RBFOX1: variants seen among roughly 807,000 people sequenced by gnomAD.
The protein encoded by RBFOX1 is RNA binding fox-1 homolog 1.
RBFOX1 carries 8 observed loss-of-function variants against 57.7 expected under a neutral mutation model. The observed-to-expected ratio is 0.14, with a 90% CI of 0.08 to 0.25. The LOEUF (loss-of-function observed/expected upper bound fraction) is 0.25, where lower values mean the gene tolerates loss of function less well. RBFOX1 is among the 10% of genes least tolerant of loss of function. The pLI is 1.00. For synonymous variants in RBFOX1, 326 were observed against 222.4 expected, an observed-to-expected ratio of 1.47 and a Z score of -4.15; for missense variants, 611 against 548.5, an observed-to-expected ratio of 1.11 and a Z score of -1.14.
At chr16:6,549,504 GGGA>G (rs1414410957) in intron 2 of RBFOX1, among the ~76,000 whole-genome samples, 1 of 104,874 alleles carries the variant, frequency 9.5e-6, no homozygotes, top group African/African-American at 4.4e-5. Flanking sequence ...AGAGGAGGAG[GGGA>G]AGAGGAGGAG....
chr16:6,781,172 A>G lies in RBFOX1; in HGVS notation c.-16+126522A>G, dbSNP rs62016080. 2.6e-3 allele frequency among the ~76,000 whole-genome samples: 395 copies of G among 152,094 alleles called. 1 individual carries two copies. Among genetic ancestry groups the G allele is most frequent in the African/African-American group, 8.6e-3 (355 of 41,472 alleles). ...ATCCGTTTTGATTTGATTTTTGTAGATGGTGAGGAATAGGGACATAGTGTT... is the reference window on the plus strand; with the variant it reads ...ATCCGTTTTGATTTGATTTTTGTAGGTGGTGAGGAATAGGGACATAGTGTT... On this transcript the variant is annotated intron_variant, in intron 3 of 15. Coordinates refer to ENST00000550418, the MANE Select transcript of RBFOX1 (RefSeq NM_018723.4).
chr16:5,848,962 A>C (rs900216854), intron 3 of RBFOX1, among the ~76,000 whole-genome samples: 1 of 143,706 alleles, frequency 7.0e-6, no homozygotes, highest in South Asian at 2.2e-4. Flanking sequence ...AAACAAAAAA[A>C]CAAAAAAACA....
chr16:6,849,041 T>C (rs1350079770), intron 3 of RBFOX1, among the ~76,000 whole-genome samples: 1 of 152,232 alleles, frequency 6.6e-6, no homozygotes, highest in Admixed American at 6.5e-5. Flanking sequence ...TACGTGTCCC[T>C]GAACCTGCAG....
intron 4 of RBFOX1, among the ~76,000 whole-genome samples, chr16:7,294,458 C>G (rs982932935): frequency 6.6e-6 from 1 of 150,702 alleles, no homozygotes; most frequent in Non-Finnish European, 1.5e-5. Flanking sequence ...GTTGGCTGCT[C>G]TGATAGAACA....
intron 2 of RBFOX1, among the ~76,000 whole-genome samples, chr16:6,457,569 C>T (rs1208642853): frequency 6.6e-6 from 1 of 152,102 alleles, no homozygotes; most frequent in Non-Finnish European, 1.5e-5. Flanking sequence ...CTCCCATCAC[C>T]ATTCCTGCAG....
intron 3 of RBFOX1, 73 bp downstream of exon 3, chr16:6,654,723 G>T: frequency 8.7e-7 from 1 of 1,151,136 alleles, no homozygotes; most frequent in South Asian, 1.6e-5. Context: ...AGGTGTTTAA[G>T]GCATGCCCCT....
chr16:6,080,545 A>G lies in RBFOX1; in HGVS notation c.-127+60553A>G, dbSNP rs1425149278. 3.3e-5 allele frequency among the ~76,000 whole-genome samples: 5 copies of G among 152,234 alleles called. No homozygotes were observed. In the East Asian group the frequency reaches 9.6e-4, roughly 29 times the overall value. On this transcript the variant is annotated intron_variant, in intron 1 of 15. Coordinates refer to ENST00000550418, the MANE Select transcript of RBFOX1 (RefSeq NM_018723.4). ...GATTGAAGAAACTTACAATGAATGCATAATTAAGATAGGGATATTTACTGC... is the reference window on the plus strand; with the variant it reads ...GATTGAAGAAACTTACAATGAATGCGTAATTAAGATAGGGATATTTACTGC...
intron 2 of RBFOX1, among the ~76,000 whole-genome samples, chr16:6,590,526 A>C (rs972919608): frequency 1.3e-5 from 2 of 152,180 alleles, no homozygotes; most frequent in Non-Finnish European, 2.9e-5. Context: ...GAGTAAATTC[A>C]ATGAGAGCCC....
chr16:6,431,427 G>T (rs778917450), intron 2 of RBFOX1, among the ~76,000 whole-genome samples: 1 of 152,016 alleles, frequency 6.6e-6, no homozygotes, highest in Non-Finnish European at 1.5e-5. Context: ...ATGCAGTGAC[G>T]GTCCAGCCCA....
chr16:6,838,675 C>T lies in RBFOX1; in HGVS notation c.-16+184025C>T, dbSNP rs146903159. ...CCTAGAATTCTTTATTGGGCAAAGC[C>T]GATAACCTTCCCATGCTAATCCCCA... On this transcript the variant is annotated intron_variant, in intron 3 of 15. Coordinates refer to ENST00000550418, the MANE Select transcript of RBFOX1 (RefSeq NM_018723.4). Among the ~76,000 whole-genome samples, 746 of 152,244 alleles carry T rather than the reference C, an allele frequency of 4.9e-3. 5 individuals are homozygous for T. The highest frequency in any genetic ancestry group is 0.016 in the African/African-American group (680 of 41,552).
intron 3 of RBFOX1, among the ~76,000 whole-genome samples, chr16:5,758,111 G>A (rs2053464121): frequency 6.6e-6 from 1 of 152,088 alleles, no homozygotes; most frequent in African/African-American, 2.4e-5. Flanking sequence ...CATATGTGTG[G>A]GGGCACAGAG....
intron 3 of RBFOX1, among the ~76,000 whole-genome samples, chr16:5,678,517 A>G (rs1269654171): frequency 1.3e-5 from 2 of 152,178 alleles, no homozygotes; most frequent in African/African-American, 4.8e-5. Context: ...TCTTTTGAGT[A>G]TTTCAAGTTA....
In RBFOX1 at chr16:5,814,930, C is replaced by T. The variant is rs181988899; in HGVS notation, c.319-52373C>T. Among the ~76,000 whole-genome samples, 1,090 of 151,290 alleles carry T rather than the reference C, an allele frequency of 7.2e-3. 10 individuals are homozygous for T. Among genetic ancestry groups the T allele is most frequent in the African/African-American group, 0.021 (867 of 41,196 alleles). ...CGGCCTGGGCGACAGAGCGAGACTC[C>T]GTCTCAAAAAGAAAAAAAAGAAAAA... On this transcript the variant is annotated intron_variant, in intron 3 of 19. Transcript: ENST00000641259.
intron 11 of RBFOX1, among the ~76,000 whole-genome samples, chr16:7,645,672 A>G (rs766355959): frequency 6.6e-5 from 10 of 152,244 alleles, no homozygotes; most frequent in South Asian, 2.1e-4. Flanking sequence ...AGACTTGTAC[A>G]TTAATTAGAA....
At chr16:6,484,777 T>A (rs2095439261) in intron 2 of RBFOX1, among the ~76,000 whole-genome samples, 1 of 152,180 alleles carries the variant, frequency 6.6e-6, no homozygotes, top group Admixed American at 6.5e-5. Context: ...GTCACCTTAG[T>A]AAAACGTTAT....
chr16:7,010,658 G>A (rs1021586931), intron 3 of RBFOX1, among the ~76,000 whole-genome samples: 1 of 152,042 alleles, frequency 6.6e-6, no homozygotes, highest in East Asian at 1.9e-4. Flanking sequence ...CCGCCTCCTG[G>A]GTTCAAGAGA....
intron 1 of RBFOX1, among the ~76,000 whole-genome samples, chr16:5,386,785 T>C (rs1175886427): frequency 6.6e-6 from 1 of 152,178 alleles, no homozygotes; most frequent in Non-Finnish European, 1.5e-5. Context: ...GCGTGGTGGC[T>C]CACACCTGTA....
At chr16:5,755,894 G>A (rs772834060) in intron 3 of RBFOX1, among the ~76,000 whole-genome samples, 2 of 152,112 alleles carry the variant, frequency 1.3e-5, no homozygotes, top group African/African-American at 4.8e-5. Context: ...TCTTGCACCC[G>A]GCCTCTAATT....
chr16:7,298,508 T>C (rs1046859869), intron 4 of RBFOX1, among the ~76,000 whole-genome samples: 1 of 152,078 alleles, frequency 6.6e-6, no homozygotes, highest in African/African-American at 2.4e-5. Context: ...GCCAGTCTCA[T>C]CTTGAACTCC....
Sources: gnomAD v4.1 joint callset for allele counts (sites outside exome capture counted in the v4.1 genomes callset) on GRCh38, gnomAD v4.1.1 for gene constraint, MANE v1.5 for transcripts, NCBI Gene and HGNC (gene_info 2026-07-23, HGNC 2026-07-21) for gene names.